Variants in GOLM2 observed in about 807,000 individuals in gnomAD.
The protein encoded by GOLM2 is golgi membrane protein 2.
GOLM2 carries 26 observed loss-of-function variants against 55.9 expected under a neutral mutation model. The observed-to-expected ratio is 0.47, with a 90% CI of 0.34 to 0.65. The LOEUF (loss-of-function observed/expected upper bound fraction) is 0.65. GOLM2 is among the 30% of genes least tolerant of loss of function. GOLM2 has a pLI of 0.01. For missense variants in GOLM2, 486 were observed against 531.8 expected, an observed-to-expected ratio of 0.91 and a Z score of 0.85; for synonymous variants, 165 against 194.6, an observed-to-expected ratio of 0.85 and a Z score of 1.27.
rs1489396137 is a variant in GOLM2, at chr15:44,414,690, T to G, written c.*1284T>G. ...AGGAATTTTAACAGGTTTTTATTAATGCACAGATAAATAGAAGTACAGTGA... is the reference window on the plus strand; with the variant it reads ...AGGAATTTTAACAGGTTTTTATTAAGGCACAGATAAATAGAAGTACAGTGA... On this transcript the variant is annotated 3_prime_UTR_variant, in exon 10 of 10. Coordinates refer to ENST00000299957, the MANE Select transcript of GOLM2 (RefSeq NM_138423.4). The G allele has an allele frequency of 1.3e-5, 2 of 152,460 alleles. No individual in the cohort carries two copies. Among genetic ancestry groups the G allele is most frequent in the East Asian group, 3.9e-4 (2 of 5,186 alleles). The allele number at this position is 152,460 out of a possible 1,614,324, so 9.4% of individuals were successfully genotyped here.
At chr15:44,379,402 C>T (rs1249960843) in intron 6 of GOLM2, among the ~76,000 whole-genome samples, 5 of 151,944 alleles carry the variant, frequency 3.3e-5, no homozygotes, top group South Asian at 2.1e-4. Flanking sequence ...CGCTGGAACG[C>T]GGGAGGCAGA....
At chr15:44,395,796 C>T (rs920763686) in intron 8 of GOLM2, among the ~76,000 whole-genome samples, 1 of 152,092 alleles carries the variant, frequency 6.6e-6, no homozygotes, top group African/African-American at 2.4e-5. Flanking sequence ...GCTGAGATCA[C>T]GCTACTGCAC....
chr15:44,351,492 G>T (rs936735956), intron 6 of GOLM2, among the ~76,000 whole-genome samples: 1 of 150,580 alleles, frequency 6.6e-6, no homozygotes, highest in Non-Finnish European at 1.5e-5. Context: ...CAGGAGAATG[G>T]CGTGAACCCG....
At chr15:44,399,183 AT>A (rs900211931) in intron 8 of GOLM2, among the ~76,000 whole-genome samples, 2 of 152,148 alleles carry the variant, frequency 1.3e-5, no homozygotes, top group African/African-American at 4.8e-5. Context: ...ATGTTGAATA[AT>A]TTAGCAGTCC....
At chr15:44,362,583 G>A (rs1358502663) in intron 6 of GOLM2, among the ~76,000 whole-genome samples, 1 of 152,118 alleles carries the variant, frequency 6.6e-6, no homozygotes, top group Non-Finnish European at 1.5e-5. Flanking sequence ...CTCATGGGTA[G>A]GAAGAATCGA....
intron 8 of GOLM2, among the ~76,000 whole-genome samples, chr15:44,381,600 G>C (rs2079403707): frequency 6.6e-6 from 1 of 152,106 alleles, no homozygotes; most frequent in African/African-American, 2.4e-5. Flanking sequence ...ATCTCTAAAA[G>C]CTTCAGTTTG....
chr15:44,345,407 C>T (rs1420899257), intron 6 of GOLM2, among the ~76,000 whole-genome samples: 5 of 152,034 alleles, frequency 3.3e-5, no homozygotes, highest in Admixed American at 6.6e-5. Context: ...TACAGGTGCC[C>T]GCCACCACGC....
chr15:44,317,933 A>T (rs908490113), intron 1 of GOLM2, among the ~76,000 whole-genome samples: 1 of 152,122 alleles, frequency 6.6e-6, no homozygotes, highest in Non-Finnish European at 1.5e-5. Context: ...CCACAAGACT[A>T]TTCTTCCCCT....
intron 8 of GOLM2, among the ~76,000 whole-genome samples, chr15:44,384,470 G>A (rs1034222326): frequency 3.3e-5 from 5 of 152,124 alleles, no homozygotes; most frequent in Non-Finnish European, 7.3e-5. Flanking sequence ...AATTAGGCCG[G>A]GCACGGTGAC....
chr15:44,349,624 A>T (rs981251596), intron 6 of GOLM2, among the ~76,000 whole-genome samples: 1 of 152,200 alleles, frequency 6.6e-6, no homozygotes, highest in Non-Finnish European at 1.5e-5. Context: ...CTTCATCTAC[A>T]CTATAGACCA....
At chr15:44,292,731 A>G (rs764248535) in intron 1 of GOLM2, among the ~76,000 whole-genome samples, 1 of 151,012 alleles carries the variant, frequency 6.6e-6, no homozygotes, top group Admixed American at 6.6e-5. Flanking sequence ...GTTAATGAGG[A>G]CTCTCTGAGC....
chr15:44,398,991 G>A (rs1182194399), intron 8 of GOLM2, among the ~76,000 whole-genome samples: 1 of 151,982 alleles, frequency 6.6e-6, no homozygotes, highest in Non-Finnish European at 1.5e-5. Context: ...TAATTTGCTT[G>A]TTCAAACTTA....
chr15:44,374,518 T>A (rs1013082655), intron 6 of GOLM2, among the ~76,000 whole-genome samples: 1 of 151,912 alleles, frequency 6.6e-6, no homozygotes, highest in Non-Finnish European at 1.5e-5. Context: ...AAAAAAAAAA[T>A]TACCAGAGAC....
chr15:44,398,657 C>CTTTT (rs994381104), intron 8 of GOLM2, among the ~76,000 whole-genome samples: 3 of 108,074 alleles, frequency 2.8e-5, no homozygotes, highest in Non-Finnish European at 3.8e-5. Flanking sequence ...ATATAGGAGC[C>CTTTT]TTTTTTTTTT....
At chr15:44,368,688 C>CAT (rs937484668) in intron 6 of GOLM2, among the ~76,000 whole-genome samples, 3 of 151,602 alleles carry the variant, frequency 2.0e-5, no homozygotes, top group African/African-American at 7.3e-5. Context: ...AATCCTTGAA[C>CAT]ATATATATAC....
rs868676048 is a variant in GOLM2, at chr15:44,323,325, A to C, written c.382+306A>C. Among the ~76,000 whole-genome samples the C allele has an allele frequency of 3.9e-5, 6 of 152,224 alleles. No individual in the cohort carries two copies. In the South Asian group the frequency reaches 1.2e-3, roughly 32 times the overall value. ...TGAGCTGTAGCTTCAGAAGCCATCA[A>C]ATTTCTAGGGAAAAGGTGAGAAGTG... On this transcript the variant is annotated intron_variant, in intron 2 of 9. Coordinates refer to ENST00000299957, the MANE Select transcript of GOLM2 (RefSeq NM_138423.4).
intron 6 of GOLM2, among the ~76,000 whole-genome samples, chr15:44,354,395 C>T (rs1390470350): frequency 2.6e-5 from 4 of 151,696 alleles, no homozygotes. Context: ...CACATGTATA[C>T]ATATGTAACA....
At chr15:44,367,626 CT>C (rs1056286472) in intron 6 of GOLM2, among the ~76,000 whole-genome samples, 7 of 152,048 alleles carry the variant, frequency 4.6e-5, no homozygotes, top group African/African-American at 1.7e-4. Context: ...GAAACCCCAT[CT>C]CTACTAAAAA....
At chr15:44,326,166 G>A (rs2078979306) in intron 2 of GOLM2, among the ~76,000 whole-genome samples, 1 of 151,584 alleles carries the variant, frequency 6.6e-6, no homozygotes, top group Non-Finnish European at 1.5e-5. Context: ...GGAGGCTGAG[G>A]CAGGAGAATC....
Sources: gnomAD v4.1 joint callset for allele counts (sites outside exome capture counted in the v4.1 genomes callset) on GRCh38, gnomAD v4.1.1 for gene constraint, MANE v1.5 for transcripts, NCBI Gene and HGNC (gene_info 2026-07-23, HGNC 2026-07-21) for gene names.